The following RBFOX1 variants were observed in gnomAD, a reference collection of about 807,000 sequenced individuals.
RBFOX1 encodes the protein RNA binding protein fox-1 homolog 1.
A neutral mutation model predicts 57.7 loss-of-function variants in RBFOX1; 8 were observed. The ratio of observed to expected loss-of-function variants is 0.14; its 90% CI spans 0.08 to 0.25. The LOEUF (loss-of-function observed/expected upper bound fraction) is 0.25. Ranked by LOEUF, RBFOX1 falls within the 10% of genes least tolerant of loss-of-function variation. The probability of loss-of-function intolerance (pLI) is 1.00; values close to 1 mark genes in which losing one functional copy is unlikely to be tolerated. For missense variants in RBFOX1, 611 were observed against 548.5 expected (o/e 1.11, Z -1.14); for synonymous variants, 326 against 222.4 (o/e 1.47, Z -4.15).
intron 2 of RBFOX1, among the ~76,000 whole-genome samples, chr16:6,566,572 T>G (rs2097269482): frequency 6.6e-6 from 1 of 152,200 alleles, no homozygotes; most frequent in Non-Finnish European, 1.5e-5. Flanking sequence ...AGACCTTTGT[T>G]TGCCGAAATA....
At chr16:6,394,768 C>A (rs955512692) in intron 2 of RBFOX1, among the ~76,000 whole-genome samples, 2 of 151,980 alleles carry the variant, frequency 1.3e-5, no homozygotes, top group African/African-American at 4.8e-5. Context: ...GCTTGTCTAC[C>A]AAAACAGCTC....
In RBFOX1 at chr16:6,607,034, T is replaced by C. The variant is rs138584199; in HGVS notation, c.-63-47569T>C. Among the ~76,000 whole-genome samples, 194 of 152,332 alleles carry C rather than the reference T, an allele frequency of 1.3e-3. 3 individuals carry two copies. The East Asian group carries it at 0.02, about 16-fold the overall frequency. On this transcript the variant is annotated intron_variant, in intron 2 of 15. Transcript: ENST00000550418. ...GTCAGCATCTGTTGTTTCTTGACTT[T>C]TTAATAATCGCCAAAAATGGCTATA...
chr16:5,431,500 G>C (rs1249500759), intron 1 of RBFOX1, among the ~76,000 whole-genome samples: 2 of 151,846 alleles, frequency 1.3e-5, no homozygotes, highest in Non-Finnish European at 1.5e-5. Context: ...TCAGACTCCT[G>C]AGTGGCTGGG....
chr16:6,940,810 G>GTGTGTA (rs1273340669), intron 3 of RBFOX1, among the ~76,000 whole-genome samples: 9 of 133,874 alleles, frequency 6.7e-5, no homozygotes, highest in African/African-American at 2.1e-4. Context: ...GTGTGTGTGT[G>GTGTGTA]TAGCTGGGAG....
chr16:5,792,519 A>G (rs73530005), intron 3 of RBFOX1, among the ~76,000 whole-genome samples: 2,308 of 152,328 alleles, frequency 0.015, 59 homozygotes, highest in African/African-American at 0.051. Context: ...ATGATAAGGT[A>G]AGGTAGAGAA....
At chr16:7,602,404 G>C (rs13331477) in intron 9 of RBFOX1, among the ~76,000 whole-genome samples, 3 of 151,964 alleles carry the variant, frequency 2.0e-5, no homozygotes, top group Non-Finnish European at 4.4e-5. Flanking sequence ...TGGGAGGCTG[G>C]GACCAGTGGG....
intron 6 of RBFOX1, among the ~76,000 whole-genome samples, chr16:7,584,135 C>G (rs555379316): frequency 2.0e-5 from 3 of 152,186 alleles, no homozygotes; most frequent in African/African-American, 4.8e-5. Flanking sequence ...CTTTGGCCTT[C>G]ACGCACAATC....
chr16:5,949,196 A>G (rs899904077), intron 4 of RBFOX1, among the ~76,000 whole-genome samples: 1 of 152,166 alleles, frequency 6.6e-6, no homozygotes, highest in Non-Finnish European at 1.5e-5. Flanking sequence ...ATACAAGGAT[A>G]TTATCTACTA....
intron 4 of RBFOX1, among the ~76,000 whole-genome samples, chr16:7,101,200 G>A (rs369090867): frequency 6.6e-6 from 1 of 152,134 alleles, no homozygotes; most frequent in Non-Finnish European, 1.5e-5. Flanking sequence ...GCCTATGCAG[G>A]CCCCATTTTT....
intron 3 of RBFOX1, among the ~76,000 whole-genome samples, chr16:6,953,192 A>G (rs1019467817): frequency 6.6e-6 from 1 of 152,084 alleles, no homozygotes; most frequent in African/African-American, 2.4e-5. Flanking sequence ...ATATTTTGCT[A>G]AGCTGGGTAT....
At chr16:6,639,653 G>C (rs979127541) in intron 2 of RBFOX1, among the ~76,000 whole-genome samples, 3 of 152,134 alleles carry the variant, frequency 2.0e-5, no homozygotes, top group Non-Finnish European at 2.9e-5. Context: ...GAGGCGGGCG[G>C]ATCACGACGT....
intron 10 of RBFOX1, among the ~76,000 whole-genome samples, chr16:7,628,121 T>C (rs759649621): frequency 5.3e-5 from 8 of 152,194 alleles, no homozygotes; most frequent in African/African-American, 9.7e-5. Flanking sequence ...GTTTTAACCA[T>C]ACAATACTGA....
chr16:7,568,712 C>T (rs1221060904), intron 5 of RBFOX1, among the ~76,000 whole-genome samples: 4 of 151,278 alleles, frequency 2.6e-5, no homozygotes, highest in Admixed American at 2.0e-4. Flanking sequence ...GGTGAAACCC[C>T]GACTCTACTA....
intron 14 of RBFOX1, among the ~76,000 whole-genome samples, chr16:7,702,161 C>A (rs946580939): frequency 6.6e-6 from 1 of 152,150 alleles, no homozygotes; most frequent in Non-Finnish European, 1.5e-5. Flanking sequence ...ACCTGGGATT[C>A]TGCGATTTGA....
chr16:6,806,346 A>G (rs1249488051), intron 3 of RBFOX1, among the ~76,000 whole-genome samples: 1 of 152,236 alleles, frequency 6.6e-6, no homozygotes, highest in Non-Finnish European at 1.5e-5. Flanking sequence ...AAAAAACTAT[A>G]GAGTTTTGAA....
chr16:6,209,223 C>G (rs906805044), intron 1 of RBFOX1, among the ~76,000 whole-genome samples: 3 of 152,122 alleles, frequency 2.0e-5, no homozygotes, highest in African/African-American at 4.8e-5. Context: ...GTGAAGGCAT[C>G]TTCACAAACA....
At chr16:6,838,753 A>G (rs2093285366) in intron 3 of RBFOX1, among the ~76,000 whole-genome samples, 1 of 152,138 alleles carries the variant, frequency 6.6e-6, no homozygotes, top group South Asian at 2.1e-4. Flanking sequence ...AGCATCCTCC[A>G]GGGGTCTCAA....
At chr16:6,688,664 G>T (rs1250617648) in intron 3 of RBFOX1, among the ~76,000 whole-genome samples, 1 of 152,098 alleles carries the variant, frequency 6.6e-6, no homozygotes, top group African/African-American at 2.4e-5. Flanking sequence ...TATACTTTAA[G>T]TTCTGGGATA....
At chr16:5,541,172 G>C (rs1030159944) in intron 2 of RBFOX1, among the ~76,000 whole-genome samples, 6 of 152,188 alleles carry the variant, frequency 3.9e-5, no homozygotes, top group Admixed American at 3.9e-4. Flanking sequence ...TTTAAGAAGA[G>C]CTCTAGGTGA....
Sources: allele counts gnomAD v4.1 joint callset (sites outside exome capture counted in the v4.1 genomes callset), GRCh38; gene constraint gnomAD v4.1.1; transcripts MANE v1.5; gene names NCBI Gene and HGNC (gene_info 2026-07-23, HGNC 2026-07-21).